The following TTC17 variants were observed in gnomAD, a reference collection of about 807,000 sequenced individuals.
TTC17 encodes the protein tetratricopeptide repeat protein 17.
TTC17 carries 58 observed loss-of-function variants against 143.8 expected under a neutral mutation model. The ratio of observed to expected loss-of-function variants is 0.40; its 90% CI spans 0.33 to 0.50. The LOEUF (loss-of-function observed/expected upper bound fraction) is 0.50, where lower values mean the gene tolerates loss of function less well. TTC17 is among the 20% of genes least tolerant of loss of function. The pLI, the probability that TTC17 is intolerant of heterozygous loss-of-function variation, is 0.49. For missense variants in TTC17, 1,273 were observed against 1,392.5 expected, an observed-to-expected ratio of 0.91 and a Z score of 1.37; for synonymous variants, 501 against 497.8, an observed-to-expected ratio of 1.01 and a Z score of -0.09.
intron 16 of TTC17, among the ~76,000 whole-genome samples, chr11:43,421,818 C>T (rs915774907): frequency 1.3e-5 from 2 of 150,568 alleles, no homozygotes; most frequent in Admixed American, 6.6e-5. Flanking sequence ...GTAATGTGCT[C>T]GAATTATGCC....
intron 2 of TTC17, among the ~76,000 whole-genome samples, chr11:43,387,115 T>C (rs985894081): frequency 2.6e-5 from 4 of 152,092 alleles, no homozygotes; most frequent in African/African-American, 4.8e-5. Flanking sequence ...AGAAAAGCTA[T>C]TGGGGGGAAA....
At chr11:43,412,392 G>A (rs536792976) in intron 15 of TTC17, among the ~76,000 whole-genome samples, 2 of 152,150 alleles carry the variant, frequency 1.3e-5, no homozygotes, top group East Asian at 3.9e-4. Context: ...GGAAGCTGAG[G>A]TGGGAGGATC....
At chr11:43,370,189 G>C (rs1255704502) in intron 1 of TTC17, 3 of 430,234 alleles carry the variant, frequency 7.0e-6, no homozygotes, top group Non-Finnish European at 1.4e-5. Context: ...ATGATGGTTA[G>C]ACTTGAATCC....
intron 21 of TTC17, among the ~76,000 whole-genome samples, chr11:43,477,585 C>T (rs1948208711): frequency 6.6e-6 from 1 of 152,060 alleles, no homozygotes; most frequent in Admixed American, 6.5e-5. Flanking sequence ...CCTGATAAAC[C>T]CATCAGATCT....
intron 1 of TTC17, among the ~76,000 whole-genome samples, chr11:43,366,942 A>G (rs570523558): frequency 1.3e-5 from 2 of 152,250 alleles, no homozygotes; most frequent in South Asian, 4.2e-4. Flanking sequence ...TCGTCATAAT[A>G]TAAACATCAT....
rs562733563 is a variant in TTC17, at chr11:43,480,324, A to G, written c.3031-9915A>G. 2.6e-5 allele frequency among the ~76,000 whole-genome samples: 4 copies of G among 152,354 alleles called. No individual in the cohort carries two copies. In the East Asian group the frequency reaches 7.7e-4, roughly 29 times the overall value. On this transcript the variant is annotated intron_variant, in intron 21 of 23. Transcript: ENST00000039989. ...TGGAGACAGAAAGAAAGGACAGATCACCTACAAGGAATGATGGCTAAAATG... is the reference window on the plus strand; with the variant it reads ...TGGAGACAGAAAGAAAGGACAGATCGCCTACAAGGAATGATGGCTAAAATG...
intron 2 of TTC17, among the ~76,000 whole-genome samples, chr11:43,381,639 G>C (rs1010920554): frequency 6.6e-6 from 1 of 152,172 alleles, no homozygotes; most frequent in Non-Finnish European, 1.5e-5. Context: ...TACATCTTCA[G>C]TTTCCTGAAT....
At chr11:43,487,090 TTA>T (rs1948395105) in intron 21 of TTC17, among the ~76,000 whole-genome samples, 1 of 152,200 alleles carries the variant, frequency 6.6e-6, no homozygotes, top group Non-Finnish European at 1.5e-5. Flanking sequence ...ATTTAATTAT[TTA>T]TGTTCTTTTG....
intron 16 of TTC17, among the ~76,000 whole-genome samples, chr11:43,420,702 G>C (rs1946881601): frequency 6.6e-6 from 1 of 152,062 alleles, no homozygotes; most frequent in African/African-American, 2.4e-5. Context: ...GATGACCAAT[G>C]GTTTTATACT....
At chr11:43,386,084 T>G (rs1054143015) in intron 2 of TTC17, among the ~76,000 whole-genome samples, 6 of 151,688 alleles carry the variant, frequency 4.0e-5, no homozygotes, top group Non-Finnish European at 7.4e-5. Context: ...AAAAATTGAT[T>G]GAATAAATGG....
chr11:43,399,982 A>G lies in TTC17; in HGVS notation c.1153A>G (p.Ile385Val). ...GGAAATCCTAGAAAAACATAAACTG[A>G]TTCAGGAGGAGCAAATCTTAAGAAA... ...QQEILEKHKL[I>V]QEEQILRNII... The change falls in exon 9 of 24, where the codon ATT becomes GTT. Residue 385 changes from isoleucine (I) to valine (V), a missense_variant. Physicochemically the swap from Ile to Val is conservative, Grantham distance 29. Transcript: ENST00000039989. 6.2e-7 allele frequency: 1 copy of G among 1,614,062 alleles called. No homozygotes were observed. Among genetic ancestry groups the G allele is most frequent in the Non-Finnish European group, 8.5e-7 (1 of 1,179,962 alleles).
At chr11:43,444,323 AGT>A in intron 18 of TTC17, 114 bp downstream of exon 18, 1 of 1,064,968 alleles carries the variant, frequency 9.4e-7, no homozygotes, top group Non-Finnish European at 1.3e-6. Context: ...AAAGGGGCAA[AGT>A]GTGGTCAAGA....
intron 10 of TTC17, among the ~76,000 whole-genome samples, 179 bp from the exon 11 acceptor site, chr11:43,403,819 T>C (rs1857984551): frequency 6.6e-6 from 1 of 152,228 alleles, no homozygotes; most frequent in Non-Finnish European, 1.5e-5. Context: ...CTATGTATTA[T>C]CCATGAAAGA....
At chr11:43,387,273 G>T (rs893864537) in intron 2 of TTC17, among the ~76,000 whole-genome samples, 2 of 152,062 alleles carry the variant, frequency 1.3e-5, no homozygotes. Context: ...CAAATAGCCC[G>T]CAGAACCTCA....
At chr11:43,446,568 T>C in intron 18 of TTC17, 3 of 728,724 alleles carry the variant, frequency 4.1e-6, no homozygotes, top group Non-Finnish European at 5.0e-6. Flanking sequence ...TTATGGCTTA[T>C]TTAAGTTATT....
In TTC17 at chr11:43,444,114, G is replaced by A. The variant is rs372009851; in HGVS notation, c.2570G>A (p.Gly857Glu). ...AAAGGAGATCATAAGAAAACTCCTGGGAAAAAAGTAGAAACAGGTCAGATA... is the reference window on the plus strand; with the variant it reads ...AAAGGAGATCATAAGAAAACTCCTGAGAAAAAAGTAGAAACAGGTCAGATA... Reference protein sequence around the residue: ...KPKGDHKKTPGKKVETGQIEN... With the variant: ...KPKGDHKKTPEKKVETGQIEN... Residue 857 changes from glycine to glutamate, a missense_variant, in exon 18 of 24, where the codon GGG (glycine) becomes GAG (glutamate). By Grantham distance (98) the Gly-to-Glu change is moderately conservative. Transcript: ENST00000039989. 25 of 1,612,984 alleles carry A rather than the reference G, an allele frequency of 1.5e-5. No individual in the cohort carries two copies. In the East Asian group the frequency reaches 4.9e-4, roughly 32 times the overall value.
intron 18 of TTC17, chr11:43,445,878 T>G (rs1285186967): frequency 1.2e-6 from 1 of 832,568 alleles, no homozygotes; most frequent in Non-Finnish European, 2.0e-6. Flanking sequence ...CATTGTAGAT[T>G]TTCTAAGAAC....
At chr11:43,486,446 TA>T (rs1410430870) in intron 21 of TTC17, 1 of 453,320 alleles carries the variant, frequency 2.2e-6, no homozygotes, top group Admixed American at 2.4e-5. Context: ...AATGTATCCC[TA>T]TCAGGTAGGA....
chr11:43,476,835 A>C (rs1017154107), intron 21 of TTC17, among the ~76,000 whole-genome samples: 2 of 151,598 alleles, frequency 1.3e-5, no homozygotes, highest in African/African-American at 4.8e-5. Flanking sequence ...CTCAGGGATT[A>C]ACATTAGACT....
Sources: allele counts gnomAD v4.1 joint callset (sites outside exome capture counted in the v4.1 genomes callset), GRCh38; gene constraint gnomAD v4.1.1; transcripts MANE v1.5; gene names NCBI Gene and HGNC (gene_info 2026-07-23, HGNC 2026-07-21).